Variants in FSTL4 observed in about 807,000 individuals in gnomAD.
FSTL4 encodes follistatin like 4, also known as follistatin-related protein 4.
Under a neutral mutation model 78.2 loss-of-function variants are expected in FSTL4, and 28 were observed. The observed-to-expected ratio is 0.36, with a 90% confidence interval of 0.27 to 0.49. FSTL4 has a LOEUF of 0.49. Among genes scored for constraint, FSTL4 ranks in the 20% least tolerant of loss-of-function variants. FSTL4 has a pLI of 0.98. For missense variants in FSTL4, 922 were observed against 1,084.9 expected (o/e 0.85, Z 2.11); for synonymous variants, 422 against 440.5 (o/e 0.96, Z 0.53).
intron 4 of FSTL4, among the ~76,000 whole-genome samples, chr5:133,396,415 C>T (rs1352196798): frequency 1.3e-5 from 2 of 152,214 alleles, no homozygotes; most frequent in African/African-American, 4.8e-5. Flanking sequence ...TCCCATCAGC[C>T]TGGGCCTCCC....
intron 3 of FSTL4, among the ~76,000 whole-genome samples, chr5:133,528,575 A>C (rs949695812): frequency 1.3e-5 from 2 of 152,046 alleles, no homozygotes; most frequent in Non-Finnish European, 2.9e-5. Context: ...GGATGACTAC[A>C]TCCCTAGCAC....
intron 4 of FSTL4, among the ~76,000 whole-genome samples, chr5:133,323,965 A>T (rs1292982210): frequency 6.6e-6 from 1 of 152,150 alleles, no homozygotes; most frequent in East Asian, 1.9e-4. Context: ...TCTCATTCCC[A>T]CTGCACTCCC....
At chr5:133,438,564 G>A (rs1208683024) in intron 3 of FSTL4, among the ~76,000 whole-genome samples, 1 of 152,230 alleles carries the variant, frequency 6.6e-6, no homozygotes, top group African/African-American at 2.4e-5. Context: ...GGAGGAAGGA[G>A]GTGGATCTGG....
intron 4 of FSTL4, among the ~76,000 whole-genome samples, chr5:133,373,109 AG>A (rs1014855649): frequency 5.3e-5 from 8 of 152,248 alleles, no homozygotes; most frequent in Admixed American, 4.6e-4. Flanking sequence ...TGCAACAAAA[AG>A]GTGGCTAAGA....
chr5:133,766,284 A>G, the FSTL4 span, among the ~76,000 whole-genome samples: 1 of 151,950 alleles, frequency 6.6e-6, no homozygotes, highest in African/African-American at 2.4e-5. Context: ...AAAGGGGAAA[A>G]GGAAAAAGAA....
At chr5:133,601,627 T>TAA (rs1381558968) in intron 2 of FSTL4, among the ~76,000 whole-genome samples, 4 of 151,946 alleles carry the variant, frequency 2.6e-5, no homozygotes, top group Non-Finnish European at 5.9e-5. Context: ...CCGATTAAAA[T>TAA]AAATGTTCTG....
At chr5:133,663,423 A>T in the FSTL4 span, among the ~76,000 whole-genome samples, 2 of 152,212 alleles carry the variant, frequency 1.3e-5, no homozygotes, top group Non-Finnish European at 2.9e-5. Flanking sequence ...ATAAATTTTT[A>T]AAAAAGATAT....
chr5:133,243,261 A>T (rs1751931517), intron 7 of FSTL4, among the ~76,000 whole-genome samples: 1 of 152,200 alleles, frequency 6.6e-6, no homozygotes, highest in African/African-American at 2.4e-5. Flanking sequence ...AACAAAAAAG[A>T]GTGGCTCTTT....
At chr5:133,388,179 C>A (rs544062316) in intron 4 of FSTL4, among the ~76,000 whole-genome samples, 1 of 152,328 alleles carries the variant, frequency 6.6e-6, no homozygotes, top group East Asian at 1.9e-4. Context: ...TCTGTGCTCA[C>A]CTAAGCCTTG....
chr5:133,427,589 C>A (rs200431568), intron 3 of FSTL4: 15 of 497,890 alleles, frequency 3.0e-5, no homozygotes, highest in South Asian at 2.2e-4. Flanking sequence ...GGGGGAAGGG[C>A]GGGAATGGCG....
the FSTL4 span, among the ~76,000 whole-genome samples, chr5:133,737,858 C>G: frequency 6.6e-6 from 1 of 152,160 alleles, no homozygotes; most frequent in East Asian, 1.9e-4. Flanking sequence ...CTGCCTCAGC[C>G]TCCCAAAGTG....
intron 4 of FSTL4, among the ~76,000 whole-genome samples, chr5:133,398,142 C>T (rs1008996211): frequency 2.0e-5 from 3 of 152,160 alleles, no homozygotes; most frequent in African/African-American, 7.2e-5. Flanking sequence ...GTGACGTGCT[C>T]ACCCCAAGGC....
At chr5:133,383,683 C>T (rs1220286200) in intron 4 of FSTL4, among the ~76,000 whole-genome samples, 1 of 152,218 alleles carries the variant, frequency 6.6e-6, no homozygotes, top group African/African-American at 2.4e-5. Flanking sequence ...GGGTCTCCTG[C>T]CGCAGCCTTC....
chr5:133,276,058 C>T (rs1752876350), intron 6 of FSTL4: 1 of 152,202 alleles, frequency 6.6e-6, no homozygotes, highest in Admixed American at 6.5e-5. Flanking sequence ...GCATAAGGAA[C>T]GTGTACCTGG....
intron 2 of FSTL4, among the ~76,000 whole-genome samples, chr5:133,594,277 G>A (rs921798558): frequency 3.3e-5 from 5 of 152,122 alleles, no homozygotes; most frequent in Non-Finnish European, 5.9e-5. Flanking sequence ...TGCAACCTCC[G>A]CCTCCTGGGT....
At chr5:133,699,977 TCGGTTGTA>T in the FSTL4 span, among the ~76,000 whole-genome samples, 3 of 151,228 alleles carry the variant, frequency 2.0e-5, no homozygotes, top group African/African-American at 7.3e-5. Flanking sequence ...TAGCCTGGGC[TCGGTTGTA>T]CCAGACTCAA....
intron 2 of FSTL4, among the ~76,000 whole-genome samples, chr5:133,571,674 T>C (rs1760158464): frequency 6.6e-6 from 1 of 152,048 alleles, no homozygotes; most frequent in Non-Finnish European, 1.5e-5. Flanking sequence ...CCACCTGTTC[T>C]CCAAAAACCT....
At chr5:133,648,294 A>G in the FSTL4 span, among the ~76,000 whole-genome samples, 1 of 152,254 alleles carries the variant, frequency 6.6e-6, no homozygotes, top group African/African-American at 2.4e-5. Flanking sequence ...AGAGCTAAAT[A>G]GTGCCAGAGC....
intron 2 of FSTL4, among the ~76,000 whole-genome samples, chr5:133,574,251 C>G (rs1434287877): frequency 6.6e-6 from 1 of 152,164 alleles, no homozygotes; most frequent in Non-Finnish European, 1.5e-5. Context: ...GTTGAAACCA[C>G]AGTGGGATAC....
Sources: allele counts gnomAD v4.1 joint callset (sites outside exome capture counted in the v4.1 genomes callset), GRCh38; gene constraint gnomAD v4.1.1; transcripts MANE v1.5; gene names NCBI Gene and HGNC (gene_info 2026-07-23, HGNC 2026-07-21).